The following SUGCT variants were observed in gnomAD, a reference collection of about 807,000 sequenced individuals.
SUGCT encodes succinyl-CoA:glutarate-CoA transferase.
SUGCT carries 41 observed loss-of-function variants against 55.0 expected under a neutral mutation model. That is an observed-to-expected ratio of 0.74 (90% CI 0.58 to 0.97). The LOEUF (loss-of-function observed/expected upper bound fraction) is 0.97, where lower values mean the gene tolerates loss of function less well. Among genes scored for constraint, SUGCT ranks in the 50% least tolerant of loss-of-function variants. The pLI, the probability that SUGCT is intolerant of heterozygous loss-of-function variation, is 0.00. For synonymous variants in SUGCT, 187 were observed against 200.4 expected (o/e 0.93, Z 0.56); for missense variants, 568 against 547.8 (o/e 1.04, Z -0.37).
intron 12 of SUGCT, among the ~76,000 whole-genome samples, chr7:40,701,152 C>T (rs1425797383): frequency 6.6e-6 from 1 of 152,154 alleles, no homozygotes; most frequent in African/African-American, 2.4e-5. Context: ...AGACAGGAAA[C>T]GTTTGTTGGG....
At chr7:40,365,377 A>T (rs1447433893) in intron 9 of SUGCT, among the ~76,000 whole-genome samples, 3 of 150,964 alleles carry the variant, frequency 2.0e-5, no homozygotes, top group African/African-American at 7.3e-5. Flanking sequence ...CTCTCTCACC[A>T]CTCCTATTCA....
intron 11 of SUGCT, among the ~76,000 whole-genome samples, chr7:40,491,597 TC>T (rs1791681655): frequency 6.6e-6 from 1 of 152,042 alleles, no homozygotes; most frequent in Admixed American, 6.6e-5. Context: ...TTGGATGTCA[TC>T]TGCATAGAGA....
At chr7:40,263,790 C>G (rs766503069) in intron 7 of SUGCT, among the ~76,000 whole-genome samples, 2 of 152,154 alleles carry the variant, frequency 1.3e-5, no homozygotes, top group African/African-American at 2.4e-5. Flanking sequence ...AGTTGCCTGG[C>G]TAATATGGTG....
intron 9 of SUGCT, among the ~76,000 whole-genome samples, chr7:40,346,469 A>G (rs1181561940): frequency 6.6e-6 from 1 of 152,200 alleles, no homozygotes; most frequent in Non-Finnish European, 1.5e-5. Context: ...TAGCCACATT[A>G]TCTGGGTTTG....
At chr7:40,816,390 C>G (rs1230717391) in intron 13 of SUGCT, among the ~76,000 whole-genome samples, 1 of 152,138 alleles carries the variant, frequency 6.6e-6, no homozygotes, top group Non-Finnish European at 1.5e-5. Context: ...AATCCTTTCC[C>G]CAAGTTAGCA....
intron 1 of SUGCT, among the ~76,000 whole-genome samples, chr7:40,157,558 T>G (rs888541868): frequency 1.3e-5 from 2 of 152,234 alleles, no homozygotes; most frequent in Non-Finnish European, 2.9e-5. Flanking sequence ...TTAAATATTT[T>G]TAATGTAAAA....
chr7:40,988,066 C>A, the SUGCT span, among the ~76,000 whole-genome samples: 1 of 151,616 alleles, frequency 6.6e-6, no homozygotes, highest in Non-Finnish European at 1.5e-5. Context: ...TGTATGAGAT[C>A]CCATCAATTC....
chr7:40,616,274 C>A (rs1048604884), intron 12 of SUGCT, among the ~76,000 whole-genome samples: 13 of 152,218 alleles, frequency 8.5e-5, no homozygotes, highest in Middle Eastern at 3.4e-3. Flanking sequence ...TGGCTCACTG[C>A]AACCTCCACC....
Position 40,558,014 on chromosome 7 carries a change from G to T in SUGCT, c.1089+61628G>T, listed in dbSNP as rs148009178. On this transcript the variant is annotated intron_variant, in intron 12 of 13. Transcript: ENST00000335693. ...CAGATCAATAAGCAGATGAAAAGAT[G>T]CTCCACATTATTAGTCATTAAGGAA... is the stretch of plus-strand genomic sequence containing the variant. 2.8e-3 allele frequency among the ~76,000 whole-genome samples: 432 copies of T among 151,626 alleles called. 3 individuals carry two copies. The highest frequency in any genetic ancestry group is 9.7e-3 in the African/African-American group (402 of 41,336).
the SUGCT span, among the ~76,000 whole-genome samples, chr7:41,028,285 G>A: frequency 6.6e-6 from 1 of 152,260 alleles, no homozygotes; most frequent in Non-Finnish European, 1.5e-5. Context: ...CATGGAATAA[G>A]AGCGGTCAAA....
intron 12 of SUGCT, among the ~76,000 whole-genome samples, chr7:40,619,520 GA>G (rs1262340320): frequency 6.6e-6 from 1 of 151,956 alleles, no homozygotes; most frequent in East Asian, 1.9e-4. Context: ...TTTTATGATT[GA>G]ATTTTTTTGT....
At chr7:40,439,643 C>T (rs992077524) in intron 9 of SUGCT, among the ~76,000 whole-genome samples, 6 of 152,092 alleles carry the variant, frequency 3.9e-5, no homozygotes, top group Non-Finnish European at 8.8e-5. Flanking sequence ...CTTCTCTACT[C>T]TTTTTTAGTC....
chr7:40,981,549 A>G, the SUGCT span, among the ~76,000 whole-genome samples: 1 of 152,158 alleles, frequency 6.6e-6, no homozygotes, highest in African/African-American at 2.4e-5. Context: ...GAAATTTTCA[A>G]ATCTTTAAAT....
At chr7:40,840,809 G>A (rs991684198) in intron 13 of SUGCT, among the ~76,000 whole-genome samples, 2 of 152,174 alleles carry the variant, frequency 1.3e-5, no homozygotes, top group Admixed American at 1.3e-4. Context: ...CTCCTGCTAA[G>A]TCTGACAAAA....
chr7:40,424,357 G>T (rs1207659745), intron 9 of SUGCT, among the ~76,000 whole-genome samples: 3 of 152,118 alleles, frequency 2.0e-5, no homozygotes, highest in African/African-American at 7.2e-5. Context: ...TGTGTGGAGA[G>T]CAGTAGAAGA....
rs182971518 is a variant in SUGCT, at chr7:40,350,832, C to G, written c.816+33977C>G. On this transcript the variant is annotated intron_variant, in intron 9 of 13. Coordinates refer to ENST00000335693, the MANE Select transcript of SUGCT (RefSeq NM_001193313.2). Reference sequence around the variant, plus strand: ...GCCCCAGTATGTGATGTTCCCCTCCCTGTGTCCATGTGTTTTCATTGTTCA... The same window carrying G: ...GCCCCAGTATGTGATGTTCCCCTCCGTGTGTCCATGTGTTTTCATTGTTCA... 2.4e-3 allele frequency among the ~76,000 whole-genome samples: 369 copies of G among 151,928 alleles called. 9 individuals are homozygous for G. The highest frequency in any genetic ancestry group is 0.021 in the Admixed American group (321 of 15,226).
intron 11 of SUGCT, among the ~76,000 whole-genome samples, chr7:40,478,060 A>G (rs1240361451): frequency 6.6e-6 from 1 of 152,142 alleles, no homozygotes; most frequent in Non-Finnish European, 1.5e-5. Context: ...AGGTGCAGTC[A>G]TAGCTCACTG....
At chr7:40,501,063 T>C (rs1406419539) in intron 12 of SUGCT, among the ~76,000 whole-genome samples, 1 of 152,184 alleles carries the variant, frequency 6.6e-6, no homozygotes, top group East Asian at 1.9e-4. Context: ...GAAATACATA[T>C]ATACAGTGGT....
intron 6 of SUGCT, among the ~76,000 whole-genome samples, chr7:40,198,768 G>A (rs988675909): frequency 4.6e-5 from 7 of 151,290 alleles, no homozygotes; most frequent in African/African-American, 1.7e-4. Flanking sequence ...AGGCCAAGGC[G>A]GGCGGATCAC....
Sources: gnomAD v4.1 joint callset for allele counts (sites outside exome capture counted in the v4.1 genomes callset) on GRCh38, gnomAD v4.1.1 for gene constraint, MANE v1.5 for transcripts, NCBI Gene and HGNC (gene_info 2026-07-23, HGNC 2026-07-21) for gene names.